GAS6: variants seen among roughly 807,000 people sequenced by gnomAD.
GAS6 encodes growth arrest specific 6, also known as growth arrest-specific protein 6.
GAS6 carries 41 observed loss-of-function variants against 75.8 expected under a neutral mutation model. That is an observed-to-expected ratio of 0.54 (90% CI 0.42 to 0.70). GAS6 has a LOEUF of 0.70. GAS6 is among the 30% of genes least tolerant of loss of function. The pLI, the probability that GAS6 is intolerant of heterozygous loss-of-function variation, is 0.00. For missense variants in GAS6, 854 were observed against 940.2 expected (o/e 0.91, Z 1.20); for synonymous variants, 432 against 412.6 (o/e 1.05, Z -0.57).
intron 5 of GAS6, 38 bp from the exon 6 acceptor site, chr13:113,838,229 T>C: frequency 6.2e-7 from 1 of 1,609,622 alleles, no homozygotes; most frequent in Non-Finnish European, 8.5e-7. Context: ...AGCCCAAGGG[T>C]GCACAGCCCC....
At chr13:113,836,717 A>G (rs1171714446) in intron 6 of GAS6, among the ~76,000 whole-genome samples, 3 of 1,160 alleles carry the variant, frequency 2.6e-3, no homozygotes, top group Admixed American at 0.014. Context: ...ATGAGGAGGA[A>G]GAAGAGGGGA....
chr13:113,860,760 G>A (rs1345150227), intron 2 of GAS6, among the ~76,000 whole-genome samples: 5 of 152,172 alleles, frequency 3.3e-5, no homozygotes, highest in South Asian at 2.1e-4. Flanking sequence ...GGAGGGGCAC[G>A]GCTCCAGCAG....
rs1426492274 is a variant in GAS6 at position 113,863,445 on chromosome 13, G to A, written c.255+130C>T. On this transcript the variant is annotated intron_variant, in intron 2 of 14. Coordinates refer to ENST00000327773, the MANE Select transcript of GAS6 (RefSeq NM_000820.4). The surrounding 1 kb of genome is among the most constrained non-coding windows in gnomAD (Gnocchi z 9.4). Reference sequence around the variant, plus strand: ...GCGTGGGGGACGCGGGGCGGGCCGGGGCTCCTGGGACCCTGAGGCCAGGCC... The same window carrying A: ...GCGTGGGGGACGCGGGGCGGGCCGGAGCTCCTGGGACCCTGAGGCCAGGCC... The A allele has an allele frequency of 2.3e-6, 2 of 861,320 alleles. No homozygotes were observed. Among genetic ancestry groups the A allele is most frequent in the East Asian group, 7.0e-5 (2 of 28,584 alleles). The allele number at this position is 861,320 out of a possible 1,614,324, so 53.4% of individuals were successfully genotyped here.
chr13:113,859,668 G>T (rs1348090523), intron 2 of GAS6, among the ~76,000 whole-genome samples: 1 of 152,158 alleles, frequency 6.6e-6, no homozygotes, highest in Non-Finnish European at 1.5e-5. Context: ...GTGTGCATGT[G>T]TCTAGGTAGG....
chr13:113,832,777 G>T, intron 8 of GAS6, 25 bp from the exon 9 acceptor site: 1 of 1,612,102 alleles, frequency 6.2e-7, no homozygotes, highest in South Asian at 1.1e-5. Flanking sequence ...GGCCACGCCG[G>T]TCGGGGATGT....
chr13:113,826,461 C>CCT (rs778493667), intron 12 of GAS6, among the ~76,000 whole-genome samples: 3 of 107,084 alleles, frequency 2.8e-5, no homozygotes, highest in Admixed American at 2.8e-4. Flanking sequence ...CCTCCCGGCG[C>CCT]CGGCCTCGCA....
rs190613433 is a variant in GAS6 at position 113,820,676 on chromosome 13, G to A, written c.*188C>T. On this transcript the variant is annotated 3_prime_UTR_variant, in exon 15 of 15. Transcript: ENST00000327773. The stretch of plus-strand genomic sequence containing the variant: ...GCGCTGCGCCGGCCTCCCCGCGCCC[G>A]GGCCCACGGCTGAGTGCGCGGCGTC... The A allele has an allele frequency of 1.6e-4, 103 of 652,930 alleles. No homozygotes were observed. The highest frequency in any genetic ancestry group is 1.2e-3 in the African/African-American group (66 of 55,066). 40.4% of individuals were successfully genotyped at this position (652,930 alleles called of 1,614,324 possible).
At chr13:113,854,355 G>A (rs1248344998) in intron 2 of GAS6, among the ~76,000 whole-genome samples, 2 of 152,256 alleles carry the variant, frequency 1.3e-5, no homozygotes, top group East Asian at 1.9e-4. Flanking sequence ...CATGGCAAAC[G>A]AGACAGAGGA....
intron 2 of GAS6, among the ~76,000 whole-genome samples, chr13:113,853,642 C>G (rs1210905399): frequency 6.6e-6 from 1 of 152,240 alleles, no homozygotes; most frequent in African/African-American, 2.4e-5. Context: ...AACACCATAA[C>G]TTTCTCTGAT....
chr13:113,856,812 G>T (rs1269048719), intron 2 of GAS6, among the ~76,000 whole-genome samples: 1 of 145,522 alleles, frequency 6.9e-6, no homozygotes, highest in Non-Finnish European at 1.5e-5. Flanking sequence ...GAGTGGGCAG[G>T]AATGCCACAC....
At chr13:113,823,221 C>T (rs1389453782) in intron 13 of GAS6, 154 bp downstream of exon 13, 2 of 805,316 alleles carry the variant, frequency 2.5e-6, no homozygotes, top group Non-Finnish European at 3.7e-6. Flanking sequence ...CGAAGCGTGG[C>T]CCACGCCGGG....
intron 2 of GAS6, among the ~76,000 whole-genome samples, chr13:113,859,114 G>A (rs1405907902): frequency 6.7e-6 from 1 of 150,360 alleles, no homozygotes; most frequent in Non-Finnish European, 1.5e-5. Context: ...CTGTCAGTGT[G>A]TGGCTGTGTG....
chr13:113,834,364 T>C (rs893985385), intron 8 of GAS6, among the ~76,000 whole-genome samples, 187 bp downstream of exon 8: 2 of 152,210 alleles, frequency 1.3e-5, no homozygotes, highest in African/African-American at 4.8e-5. Context: ...ATAGAGACTC[T>C]ATAAATACAA....
At chr13:113,833,173 G>A (rs1594195719) in intron 8 of GAS6, 7 of 1,137,352 alleles carry the variant, frequency 6.2e-6, no homozygotes, top group Non-Finnish European at 6.5e-6. Context: ...CCCGAAGGGG[G>A]ACAGAACCAA....
At chr13:113,826,103 C>T (rs1437483295) in intron 12 of GAS6, among the ~76,000 whole-genome samples, 2 of 152,168 alleles carry the variant, frequency 1.3e-5, no homozygotes, top group South Asian at 2.1e-4. Flanking sequence ...CACAGCAGCA[C>T]CCCCGGAGCC....
chr13:113,851,290 A>G (rs9670637), intron 2 of GAS6, among the ~76,000 whole-genome samples: 5 of 144,504 alleles, frequency 3.5e-5, no homozygotes, highest in African/African-American at 1.3e-4. Flanking sequence ...TGAATGAGTG[A>G]GTGGGTGGAT....
intron 2 of GAS6, among the ~76,000 whole-genome samples, chr13:113,849,184 A>G (rs1014203058): frequency 8.5e-5 from 13 of 152,096 alleles, no homozygotes; most frequent in African/African-American, 3.1e-4. Flanking sequence ...GGATGCTCTT[A>G]AACTCTTACT....
At chr13:113,859,017 T>C (rs200994142) in intron 2 of GAS6, among the ~76,000 whole-genome samples, 10,972 of 151,650 alleles carry the variant, frequency 0.072, 492 homozygotes, top group East Asian at 0.16. Flanking sequence ...TCTGTTAGTA[T>C]GTGTGCCTTG....
chr13:113,842,729 A>G (rs540239303), intron 4 of GAS6: 3 of 396,886 alleles, frequency 7.6e-6, no homozygotes, highest in South Asian at 2.5e-4. Context: ...GGCCCCCACC[A>G]TGGAGGGATG....
Sources: allele counts gnomAD v4.1 joint callset (sites outside exome capture counted in the v4.1 genomes callset), GRCh38; gene constraint gnomAD v4.1.1; non-coding constraint Gnocchi (gnomAD v3.1); transcripts MANE v1.5; gene names NCBI Gene and HGNC (gene_info 2026-07-23, HGNC 2026-07-21).